The following WWOX variants were observed in gnomAD, a reference collection of about 807,000 sequenced individuals.
The protein encoded by WWOX is WW domain-containing oxidoreductase.
A neutral mutation model predicts 46.2 loss-of-function variants in WWOX; 69 were observed. The ratio of observed to expected loss-of-function variants is 1.49; its 90% CI spans 1.23 to 1.82. The LOEUF (loss-of-function observed/expected upper bound fraction) is 1.82. Ranked by LOEUF, WWOX falls within the 40% of genes most tolerant of loss-of-function variation. The pLI is 0.00. For synonymous variants in WWOX, 359 were observed against 202.6 expected, an observed-to-expected ratio of 1.77 and a Z score of -6.56; for missense variants, 919 against 542.6, an observed-to-expected ratio of 1.69 and a Z score of -6.89.
At chr16:78,593,175 A>G (rs2085940652) in intron 8 of WWOX, among the ~76,000 whole-genome samples, 1 of 151,604 alleles carries the variant, frequency 6.6e-6, no homozygotes, top group African/African-American at 2.4e-5. Flanking sequence ...CCTGGAGTGT[A>G]TCCTGATTCT....
intron 5 of WWOX, among the ~76,000 whole-genome samples, chr16:78,238,874 C>T (rs1205463680): frequency 1.4e-5 from 2 of 140,638 alleles, no homozygotes; most frequent in South Asian, 2.3e-4. Flanking sequence ...CCACCTTGGC[C>T]TCCCAAAGTG....
intron 8 of WWOX, among the ~76,000 whole-genome samples, chr16:79,000,404 C>T (rs898142040): frequency 1.3e-5 from 2 of 152,142 alleles, no homozygotes; most frequent in Admixed American, 6.5e-5. Flanking sequence ...TTGCTATTCA[C>T]TCATCTTCAG....
intron 1 of WWOX, among the ~76,000 whole-genome samples, chr16:78,101,939 G>A (rs939082248): frequency 2.0e-5 from 3 of 152,148 alleles, no homozygotes; most frequent in African/African-American, 7.2e-5. Context: ...AGTGTGTCTG[G>A]CATGAGGTGT....
intron 4 of WWOX, among the ~76,000 whole-genome samples, chr16:78,152,171 C>T (rs1761266815): frequency 6.8e-6 from 1 of 146,460 alleles, no homozygotes; most frequent in Admixed American, 6.9e-5. Flanking sequence ...GCCTGGGCGA[C>T]AGAGCGAGAC....
intron 8 of WWOX, among the ~76,000 whole-genome samples, chr16:79,113,272 C>T (rs1001083154): frequency 1.3e-5 from 2 of 152,136 alleles, no homozygotes; most frequent in African/African-American, 4.8e-5. Context: ...GGAGCAGGTA[C>T]TGCTGTGGAT....
rs868160989 is a variant in WWOX, at chr16:78,218,867, C to G, written c.516+54578C>G. On this transcript the variant is annotated intron_variant, in intron 5 of 8. Coordinates refer to ENST00000566780, the MANE Select transcript of WWOX (RefSeq NM_016373.4). ...TTGAGTCTAATTGTTTTTAAACTGC[C>G]ACTTTTGTTTGTTAAAGATACAGAT... Among the ~76,000 whole-genome samples, 4 of 152,166 alleles carry G rather than the reference C, an allele frequency of 2.6e-5. No homozygotes were observed. In the South Asian group the frequency reaches 6.2e-4, roughly 24 times the overall value.
chr16:78,428,888 C>T, intron 7 of WWOX, among the ~76,000 whole-genome samples: 1 of 152,156 alleles, frequency 6.6e-6, no homozygotes, highest in African/African-American at 2.4e-5. Context: ...GGAAATTCCA[C>T]ATGTAAACAT....
intron 6 of WWOX, among the ~76,000 whole-genome samples, chr16:78,405,653 A>G (rs938788499): frequency 6.6e-6 from 1 of 152,238 alleles, no homozygotes; most frequent in Admixed American, 6.5e-5. Context: ...ATTGGTGGGT[A>G]CCATATCCCC....
chr16:78,230,568 G>C (rs2037225630), intron 5 of WWOX, among the ~76,000 whole-genome samples: 1 of 152,254 alleles, frequency 6.6e-6, no homozygotes, highest in Admixed American at 6.5e-5. Flanking sequence ...GTTAACTTAA[G>C]TGGTTGATAA....
intron 8 of WWOX, among the ~76,000 whole-genome samples, chr16:78,486,585 G>GTTTTGTTTTGTTTTC (rs147095069): frequency 0.014 from 2,147 of 151,226 alleles, 40 homozygotes; most frequent in African/African-American, 0.045. Flanking sequence ...GTTTTGTTTT[G>GTTTTGTTTTGTTTTC]TTTTGTTTTG....
intron 5 of WWOX, among the ~76,000 whole-genome samples, chr16:78,217,976 C>G (rs939478904): frequency 1.3e-5 from 2 of 152,154 alleles, no homozygotes; most frequent in Non-Finnish European, 2.9e-5. Context: ...TCCTTTTCCA[C>G]AAAAAGCAGA....
At chr16:78,122,398 A>G (rs13339407) in intron 4 of WWOX, among the ~76,000 whole-genome samples, 47,105 of 152,036 alleles carry the variant, frequency 0.31, 7,572 homozygotes, top group East Asian at 0.53. Flanking sequence ...CATACAAACT[A>G]TTGTTTAATG....
chr16:78,611,376 C>G (rs768756808), intron 8 of WWOX, among the ~76,000 whole-genome samples: 2 of 152,126 alleles, frequency 1.3e-5, no homozygotes, highest in African/African-American at 2.4e-5. Context: ...GGCTGGGGGC[C>G]AAGGAGATTA....
intron 8 of WWOX, among the ~76,000 whole-genome samples, chr16:78,556,157 A>G (rs146058481): frequency 2.6e-4 from 39 of 152,216 alleles, no homozygotes; most frequent in East Asian, 9.7e-4. Flanking sequence ...AAGAGGGTCA[A>G]TTAGGCCCTC....
intron 8 of WWOX, among the ~76,000 whole-genome samples, chr16:78,927,040 C>G (rs1002237448): frequency 1.3e-5 from 2 of 152,200 alleles, no homozygotes; most frequent in East Asian, 1.9e-4. Flanking sequence ...AAGCCATCCA[C>G]CCGCCTTGGC....
intron 8 of WWOX, among the ~76,000 whole-genome samples, chr16:78,880,371 G>A (rs1413823913): frequency 1.3e-5 from 2 of 152,074 alleles, no homozygotes; most frequent in Non-Finnish European, 2.9e-5. Context: ...GTTTTCTTTC[G>A]TGTTTGTAAT....
intron 5 of WWOX, among the ~76,000 whole-genome samples, chr16:78,217,329 A>G (rs770320782): frequency 6.6e-6 from 1 of 152,212 alleles, no homozygotes; most frequent in Non-Finnish European, 1.5e-5. Context: ...TTGCACTCCT[A>G]CTTTCCTGCT....
chr16:78,246,465 C>G (rs1198566703), intron 5 of WWOX, among the ~76,000 whole-genome samples: 1 of 152,090 alleles, frequency 6.6e-6, no homozygotes, highest in African/African-American at 2.4e-5. Flanking sequence ...CCTGTTGGTC[C>G]CCTCATAAAA....
chr16:78,708,596 AAACCTAGGGGTCAGAGAGGTT>A (rs2048374298), intron 8 of WWOX, among the ~76,000 whole-genome samples: 2 of 152,146 alleles, frequency 1.3e-5, no homozygotes, highest in South Asian at 4.1e-4. Flanking sequence ...CCAGATTAAA[AAACCTAGGGGTCAGAGAGGTT>A]AAGTAACTTG....
Sources: gnomAD v4.1 joint callset for allele counts (sites outside exome capture counted in the v4.1 genomes callset) on GRCh38, gnomAD v4.1.1 for gene constraint, MANE v1.5 for transcripts, NCBI Gene and HGNC (gene_info 2026-07-23, HGNC 2026-07-21) for gene names.